The following DCC variants were observed in gnomAD, a reference collection of about 807,000 sequenced individuals.
DCC encodes the protein netrin receptor DCC.
Under a neutral mutation model 172.5 loss-of-function variants are expected in DCC, and 58 were observed. The observed-to-expected ratio is 0.34, with a 90% CI of 0.27 to 0.42. The LOEUF (loss-of-function observed/expected upper bound fraction) is 0.42, where lower values mean the gene tolerates loss of function less well. Among genes scored for constraint, DCC ranks in the 10% least tolerant of loss-of-function variants. The pLI is 1.00. For synonymous variants in DCC, 709 were observed against 644.5 expected, an observed-to-expected ratio of 1.10 and a Z score of -1.52; for missense variants, 1,740 against 1,791.0, an observed-to-expected ratio of 0.97 and a Z score of 0.51.
intron 2 of DCC, among the ~76,000 whole-genome samples, chr18:52,902,451 G>T (rs1413354386): frequency 6.6e-6 from 1 of 152,122 alleles, no homozygotes; most frequent in Admixed American, 6.6e-5. Context: ...TCCATGAATG[G>T]GCTGTGGTTG....
rs2034226559 is a variant in DCC, at chr18:52,610,163, AAAAAAAAAAAAAAAAATATATATAT to A, written c.92-141889_92-141865del. 4.2e-4 allele frequency among the ~76,000 whole-genome samples: 8 copies of A among 19,020 alleles called. 1 individual carries two copies. Among genetic ancestry groups the A allele is most frequent in the African/African-American group, 5.3e-4 (2 of 3,772 alleles). The allele number at this position is 19,020 out of a possible 152,430, so 12.5% of individuals were successfully genotyped here. A position where few individuals can be genotyped will look rare whatever the true frequency, so the allele number is the denominator to read the frequency against. On this transcript the variant is annotated intron_variant, in intron 1 of 28. Transcript: ENST00000442544. ...ACCCCATCTCTCATAAAAAAAAAAAAAAAAAAAAAAAAAAAATATATATATATATATATATATATATATATATATA... is the reference window on the plus strand; with the variant it reads ...ACCCCATCTCTCATAAAAAAAAAAAAATATATATATATATATATATATATA...
At chr18:53,195,231 T>C (rs1388748337) in intron 9 of DCC, among the ~76,000 whole-genome samples, 1 of 152,214 alleles carries the variant, frequency 6.6e-6, no homozygotes, top group Non-Finnish European at 1.5e-5. Flanking sequence ...ATCTTAGAGA[T>C]AGTTTCTGAC....
chr18:52,893,253 G>A (rs2039678377), intron 2 of DCC, among the ~76,000 whole-genome samples: 1 of 152,038 alleles, frequency 6.6e-6, no homozygotes, highest in Middle Eastern at 3.2e-3. Context: ...ATTGAGAAGA[G>A]GGTAGTCCTA....
intron 12 of DCC, among the ~76,000 whole-genome samples, chr18:53,240,024 G>GT (rs1374537036): frequency 3.9e-5 from 3 of 77,860 alleles, no homozygotes; most frequent in African/African-American, 1.1e-4. Context: ...TAGTTCTAGA[G>GT]TTAAAAAAAA....
chr18:53,150,695 C>G (rs1356639323), intron 7 of DCC, among the ~76,000 whole-genome samples: 1 of 152,162 alleles, frequency 6.6e-6, no homozygotes. Flanking sequence ...CACGTCAGGG[C>G]AGCAAAGCAA....
chr18:53,276,703 G>A (rs1167351256), intron 12 of DCC, among the ~76,000 whole-genome samples: 1 of 152,150 alleles, frequency 6.6e-6, no homozygotes, highest in East Asian at 1.9e-4. Context: ...GGGACCTCAT[G>A]CCTTCTTGAG....
chr18:52,436,053 G>A (rs1398538644), intron 1 of DCC, among the ~76,000 whole-genome samples: 4 of 152,162 alleles, frequency 2.6e-5, no homozygotes, highest in East Asian at 3.9e-4. Context: ...TATCACACAC[G>A]GATCCCTCTG....
At chr18:52,851,422 A>G (rs1318315182) in intron 2 of DCC, among the ~76,000 whole-genome samples, 2 of 152,100 alleles carry the variant, frequency 1.3e-5, no homozygotes, top group African/African-American at 4.8e-5. Context: ...GAATGACTTG[A>G]GGCATCACAT....
intron 1 of DCC, among the ~76,000 whole-genome samples, chr18:52,343,842 C>T (rs1983762868): frequency 1.3e-5 from 2 of 152,204 alleles, no homozygotes; most frequent in African/African-American, 4.8e-5. Context: ...AGATCAGATG[C>T]CCCCATGTGG....
intron 22 of DCC, among the ~76,000 whole-genome samples, chr18:53,435,787 T>C (rs1180573201): frequency 1.3e-5 from 2 of 152,112 alleles, no homozygotes; most frequent in African/African-American, 4.8e-5. Flanking sequence ...CAGATGGAGG[T>C]ACTATCTAGA....
chr18:53,385,845 C>T (rs976304174), intron 15 of DCC, among the ~76,000 whole-genome samples, 198 bp from the exon 16 acceptor site: 5 of 152,154 alleles, frequency 3.3e-5, no homozygotes, highest in Admixed American at 3.3e-4. Flanking sequence ...AGTATGTTTT[C>T]ATATGGGGAT....
At chr18:52,618,651 T>G (rs2034426281) in intron 1 of DCC, among the ~76,000 whole-genome samples, 1 of 152,218 alleles carries the variant, frequency 6.6e-6, no homozygotes. Context: ...AAACAATGTT[T>G]AATCTCTTAG....
intron 12 of DCC, among the ~76,000 whole-genome samples, chr18:53,300,000 T>C (rs2057113615): frequency 6.6e-6 from 1 of 152,150 alleles, no homozygotes; most frequent in African/African-American, 2.4e-5. Context: ...TAACAAATAG[T>C]AGTTAAGAGT....
chr18:53,177,330 TAAAAA>T (rs915573040), intron 8 of DCC, among the ~76,000 whole-genome samples: 28 of 150,736 alleles, frequency 1.9e-4, no homozygotes, highest in African/African-American at 6.6e-4. Context: ...TAAAGTATAA[TAAAAA>T]AAAAGAAAAA....
intron 27 of DCC, among the ~76,000 whole-genome samples, chr18:53,508,591 TTTA>T (rs1167757484): frequency 7.2e-5 from 11 of 152,074 alleles, no homozygotes; most frequent in African/African-American, 2.7e-4. Context: ...TAGTTATTTG[TTTA>T]TTTTCTTTTT....
At chr18:53,021,137 A>G (rs558500010) in intron 5 of DCC, among the ~76,000 whole-genome samples, 1 of 152,244 alleles carries the variant, frequency 6.6e-6, no homozygotes, top group East Asian at 1.9e-4. Flanking sequence ...CAGTCCACAA[A>G]GGTCGGCTTC....
chr18:52,828,331 T>C (rs1321141450), intron 2 of DCC, among the ~76,000 whole-genome samples: 3 of 152,180 alleles, frequency 2.0e-5, no homozygotes, highest in Non-Finnish European at 4.4e-5. Context: ...TGAGACCTGA[T>C]TAGGTTCTGA....
chr18:53,425,692 C>T (rs893329284), intron 21 of DCC, among the ~76,000 whole-genome samples: 4 of 152,024 alleles, frequency 2.6e-5, no homozygotes, highest in African/African-American at 9.7e-5. Context: ...ATTTATTCAC[C>T]TATAATGCTA....
intron 1 of DCC, among the ~76,000 whole-genome samples, chr18:52,669,635 G>T (rs374795602): frequency 6.6e-6 from 1 of 152,038 alleles, no homozygotes; most frequent in Non-Finnish European, 1.5e-5. Flanking sequence ...GCAAATACAC[G>T]GTGCATATAT....
Sources: allele counts gnomAD v4.1 joint callset (sites outside exome capture counted in the v4.1 genomes callset), GRCh38; gene constraint gnomAD v4.1.1; transcripts MANE v1.5; gene names NCBI Gene and HGNC (gene_info 2026-07-23, HGNC 2026-07-21).